Variants in HTR4 observed in about 807,000 individuals in gnomAD.
HTR4 encodes 5-hydroxytryptamine (serotonin) receptor 4, G protein-coupled.
HTR4 carries 16 observed loss-of-function variants against 36.8 expected under a neutral mutation model. That is an observed-to-expected ratio of 0.43 (90% confidence interval 0.29 to 0.66). The LOEUF (loss-of-function observed/expected upper bound fraction) is 0.66, where lower values mean the gene tolerates loss of function less well. Ranked by LOEUF, HTR4 falls within the 30% of genes least tolerant of loss-of-function variation. The pLI, the probability that HTR4 is intolerant of heterozygous loss-of-function variation, is 0.13. For synonymous variants in HTR4, 189 were observed against 185.1 expected (o/e 1.02, Z -0.17); for missense variants, 438 against 490.9 (o/e 0.89, Z 1.02).
intron 4 of HTR4, among the ~76,000 whole-genome samples, chr5:148,528,110 TA>T (rs1376239489): frequency 6.6e-6 from 1 of 152,196 alleles, no homozygotes; most frequent in East Asian, 1.9e-4. Flanking sequence ...TCTCCTTTTT[TA>T]AAATTATCAA....
At chr5:148,550,558 T>C (rs891174389) in intron 2 of HTR4, among the ~76,000 whole-genome samples, 2 of 152,192 alleles carry the variant, frequency 1.3e-5, no homozygotes, top group Non-Finnish European at 2.9e-5. Context: ...TTCAGACATA[T>C]GTAGTTGATG....
At chr5:148,491,999 TG>T (rs1756473431) in intron 6 of HTR4, among the ~76,000 whole-genome samples, 1 of 152,218 alleles carries the variant, frequency 6.6e-6, no homozygotes, top group Non-Finnish European at 1.5e-5. Context: ...GGCTGTAATG[TG>T]CAGCCAGGGT....
intron 2 of HTR4, among the ~76,000 whole-genome samples, chr5:148,575,891 A>G (rs1244106226): frequency 2.0e-5 from 3 of 151,934 alleles, no homozygotes; most frequent in Non-Finnish European, 2.9e-5. Flanking sequence ...CAGAGCAATC[A>G]GGCAAGACAA....
chr5:148,483,761 G>A (rs1408426077), intron 6 of HTR4, among the ~76,000 whole-genome samples: 1 of 152,110 alleles, frequency 6.6e-6, no homozygotes, highest in South Asian at 2.1e-4. Context: ...TACATCATGT[G>A]CTTTTCATCA....
intron 2 of HTR4, among the ~76,000 whole-genome samples, chr5:148,578,012 T>C (rs755785894): frequency 2.6e-5 from 4 of 152,054 alleles, no homozygotes; most frequent in Middle Eastern, 3.4e-3. Context: ...AAAGGCAAGT[T>C]GTCAAATGAT....
rs1054174855 is a variant in HTR4, at chr5:148,625,868, C to A, written c.26+11121G>T. On this transcript the variant is annotated intron_variant, in intron 2 of 6. Transcript: ENST00000377888. ...TGCTGGGATTACAGGTGTGAGCCAC[C>A]GCGCCTGGCTGCAAAGCCTTTTTTT... 2.6e-4 allele frequency among the ~76,000 whole-genome samples: 39 copies of A among 151,678 alleles called. 2 individuals carry two copies. The highest frequency in any genetic ancestry group is 2.5e-3 in the Admixed American group (38 of 15,232).
At chr5:148,494,601 G>C (rs893322400) in intron 6 of HTR4, among the ~76,000 whole-genome samples, 1 of 152,186 alleles carries the variant, frequency 6.6e-6, no homozygotes, top group African/African-American at 2.4e-5. Flanking sequence ...CAATAGAATT[G>C]GTTGATTAGT....
chr5:148,467,470 A>G (rs1755457179), intron 5 of HTR4, among the ~76,000 whole-genome samples: 1 of 152,176 alleles, frequency 6.6e-6, no homozygotes, highest in Admixed American at 6.5e-5. Context: ...TACTGAGCAA[A>G]TTCTGGCAAA....
In HTR4 at chr5:148,483,074, G is replaced by T; in HGVS notation, c.*129C>A. On this transcript the variant is annotated 3_prime_UTR_variant, in exon 7 of 7. Coordinates refer to ENST00000377888, the MANE Select transcript of HTR4 (RefSeq NM_000870.7). ...CAGAGGAAAAGCCCAGCGAGCACCG[G>T]GTTCCTGCACTGGCGGACGGAAAGC... 2 of 1,496,626 alleles carry T rather than the reference G, an allele frequency of 1.3e-6. No individual in the cohort carries two copies. Among genetic ancestry groups the T allele is most frequent in the Non-Finnish European group, 1.8e-6 (2 of 1,117,404 alleles). The allele number at this position is 1,496,626 out of a possible 1,614,324, so 92.7% of individuals were successfully genotyped here. A position where few individuals can be genotyped will look rare whatever the true frequency, so the allele number is the denominator to read the frequency against.
At chr5:148,568,193 G>C (rs536452796) in intron 2 of HTR4, among the ~76,000 whole-genome samples, 1 of 152,058 alleles carries the variant, frequency 6.6e-6, no homozygotes, top group South Asian at 2.1e-4. Flanking sequence ...TCCATTATTT[G>C]TTTGTTTTGT....
At chr5:148,505,293 G>A (rs1757139118) in intron 6 of HTR4, among the ~76,000 whole-genome samples, 2 of 152,154 alleles carry the variant, frequency 1.3e-5, no homozygotes, top group East Asian at 3.9e-4. Flanking sequence ...CTCAATAGAT[G>A]CAGAAAAGGC....
chr5:148,520,444 C>A (rs1021787496), intron 5 of HTR4, among the ~76,000 whole-genome samples: 4 of 152,122 alleles, frequency 2.6e-5, no homozygotes, highest in African/African-American at 9.7e-5. Context: ...GTTCCCAATG[C>A]ACAGAAGCAT....
chr5:148,646,903 C>T (rs1056040290), intron 1 of HTR4, among the ~76,000 whole-genome samples: 4 of 152,064 alleles, frequency 2.6e-5, no homozygotes, highest in African/African-American at 7.2e-5. Context: ...ATCCCACAAA[C>T]AACAACAACA....
chr5:148,460,256 G>A (rs1473059136), intron 5 of HTR4, among the ~76,000 whole-genome samples: 1 of 151,974 alleles, frequency 6.6e-6, no homozygotes, highest in Non-Finnish European at 1.5e-5. Flanking sequence ...GAATTTCCCT[G>A]CAAATGAATG....
At chr5:148,589,683 T>C (rs1761484217) in intron 2 of HTR4, among the ~76,000 whole-genome samples, 1 of 152,160 alleles carries the variant, frequency 6.6e-6, no homozygotes, top group Non-Finnish European at 1.5e-5. Flanking sequence ...ATACAGAAGA[T>C]TTAATTTTAT....
intron 1 of HTR4, among the ~76,000 whole-genome samples, chr5:148,643,841 C>T (rs1398333677): frequency 6.6e-6 from 1 of 152,172 alleles, no homozygotes; most frequent in African/African-American, 2.4e-5. Flanking sequence ...GTGAAAGGAT[C>T]CACCTCAGTA....
At chr5:148,536,525 TA>T (rs562019509) in intron 4 of HTR4, among the ~76,000 whole-genome samples, 172 of 151,162 alleles carry the variant, frequency 1.1e-3, no homozygotes, top group African/African-American at 3.9e-3. Context: ...CCCATAGACT[TA>T]AAATAAAGGA....
intron 4 of HTR4, among the ~76,000 whole-genome samples, chr5:148,545,815 G>A (rs987964924): frequency 6.6e-6 from 1 of 152,200 alleles, no homozygotes; most frequent in Admixed American, 6.5e-5. Context: ...GTCTGGTCTT[G>A]ATCTTCAATG....
chr5:148,588,025 T>C (rs1761414153), intron 2 of HTR4, among the ~76,000 whole-genome samples: 2 of 152,090 alleles, frequency 1.3e-5, no homozygotes, highest in South Asian at 4.1e-4. Context: ...GTAGCTGGAT[T>C]TGGGGACCTC....
Sources: allele counts gnomAD v4.1 joint callset (sites outside exome capture counted in the v4.1 genomes callset), GRCh38; gene constraint gnomAD v4.1.1; transcripts MANE v1.5; gene names NCBI Gene and HGNC (gene_info 2026-07-23, HGNC 2026-07-21).